Variants in NTRK2 observed in about 807,000 individuals in gnomAD.
NTRK2 encodes the protein BDNF/NT-3 growth factors receptor.
NTRK2 carries 13 observed loss-of-function variants against 94.5 expected under a neutral mutation model. The observed-to-expected ratio is 0.14, with a 90% CI of 0.09 to 0.22. NTRK2 has a LOEUF of 0.22. NTRK2 is among the 10% of genes least tolerant of loss of function. NTRK2 has a pLI of 1.00. For synonymous variants in NTRK2, 372 were observed against 407.4 expected (o/e 0.91, Z 1.05); for missense variants, 639 against 1,071.2 (o/e 0.60, Z 5.63).
intron 12 of NTRK2, among the ~76,000 whole-genome samples, chr9:84,754,888 G>A (rs1486934094): frequency 2.0e-5 from 3 of 152,112 alleles, no homozygotes; most frequent in East Asian, 3.9e-4. Context: ...GGTTTATTTC[G>A]AGTGTTGACT....
intron 12 of NTRK2, among the ~76,000 whole-genome samples, chr9:84,786,565 T>A (rs542576677): frequency 6.6e-6 from 1 of 152,348 alleles, no homozygotes; most frequent in South Asian, 2.1e-4. Context: ...TTGTTTTCTT[T>A]ATCTCAGTAG....
At chr9:84,884,201 A>C (rs2132238380) in intron 14 of NTRK2, among the ~76,000 whole-genome samples, 1 of 152,374 alleles carries the variant, frequency 6.6e-6, no homozygotes, top group East Asian at 1.9e-4. Context: ...AGAAACCAGA[A>C]GTAAATCAAA....
At chr9:84,778,990 C>T (rs887664864) in intron 12 of NTRK2, among the ~76,000 whole-genome samples, 1 of 152,182 alleles carries the variant, frequency 6.6e-6, no homozygotes, top group Non-Finnish European at 1.5e-5. Context: ...TTTCTTCTCC[C>T]AGCATTTAAC....
chr9:84,842,271 C>T (rs1033110522), intron 12 of NTRK2, among the ~76,000 whole-genome samples: 7 of 152,176 alleles, frequency 4.6e-5, no homozygotes, highest in African/African-American at 1.4e-4. Context: ...TTACTCTTCA[C>T]CCTCCTGATC....
At chr9:84,742,904 G>A (rs545452005) in intron 10 of NTRK2, among the ~76,000 whole-genome samples, 5 of 145,636 alleles carry the variant, frequency 3.4e-5, no homozygotes, top group African/African-American at 7.6e-5. Flanking sequence ...GAGTTCAAGC[G>A]ATTCTCCTGC....
At chr9:85,016,649 A>C (rs144383588) in intron 17 of NTRK2, among the ~76,000 whole-genome samples, 1 of 152,346 alleles carries the variant, frequency 6.6e-6, no homozygotes, top group African/African-American at 2.4e-5. Flanking sequence ...AGTAATTTGT[A>C]ACAACAGTGA....
chr9:84,673,507 A>G (rs114396128), intron 2 of NTRK2, among the ~76,000 whole-genome samples: 4,047 of 152,282 alleles, frequency 0.027, 166 homozygotes, highest in African/African-American at 0.086. Flanking sequence ...AATAGAAATA[A>G]TGTGGTGAAT....
At chr9:84,905,811 G>A (rs1425203203) in intron 14 of NTRK2, among the ~76,000 whole-genome samples, 2 of 152,184 alleles carry the variant, frequency 1.3e-5, no homozygotes, top group East Asian at 3.9e-4. Context: ...GCAGTGATTG[G>A]AATGAATGAA....
rs56142442 is a variant in NTRK2, at chr9:85,021,350, C to T, written c.2430C>T (p.Pro810=). 2,764 of 1,614,132 alleles carry T rather than the reference C, an allele frequency of 1.7e-3. 96 individuals carry two copies. The Admixed American group carries it at 0.042, about 25-fold the overall frequency. ...TGCTGGGGTGCTGGCAGCGAGAGCCCCACATGAGGAAGAACATCAAGGGCA... is the reference window on the plus strand; with the variant it reads ...TGCTGGGGTGCTGGCAGCGAGAGCCTCACATGAGGAAGAACATCAAGGGCA... ...ELMLGCWQRE[P]HMRKNIKGIH... is the part of the protein sequence containing the mutation. Residue 810 remains proline, a synonymous_variant, in exon 19 of 19, where the codon CCC becomes CCT. Coordinates refer to ENST00000277120, the MANE Select transcript of NTRK2 (RefSeq NM_006180.6).
At chr9:84,671,245 A>G (rs1237970383) in intron 2 of NTRK2, among the ~76,000 whole-genome samples, 1 of 152,174 alleles carries the variant, frequency 6.6e-6, no homozygotes, top group Non-Finnish European at 1.5e-5. Context: ...TTATATTTCA[A>G]AGCTCTGCTG....
At chr9:84,758,622 C>A (rs556449677) in intron 12 of NTRK2, among the ~76,000 whole-genome samples, 23 of 152,240 alleles carry the variant, frequency 1.5e-4, no homozygotes, top group African/African-American at 5.3e-4. Context: ...AACTCCCGAC[C>A]TCAGGTGATC....
At chr9:84,761,572 A>T (rs1256292466) in intron 12 of NTRK2, among the ~76,000 whole-genome samples, 1 of 152,164 alleles carries the variant, frequency 6.6e-6, no homozygotes, top group Non-Finnish European at 1.5e-5. Context: ...ATACAATCAC[A>T]CACTCACTAC....
At chr9:84,836,170 C>G (rs756013186) in intron 12 of NTRK2, among the ~76,000 whole-genome samples, 10 of 152,168 alleles carry the variant, frequency 6.6e-5, no homozygotes, top group African/African-American at 9.7e-5. Flanking sequence ...ATATTGTGAA[C>G]ATTTTATTAA....
At position 84,773,972 on chromosome 9, in the gene NTRK2, G is replaced by A. The variant is rs74570072; in HGVS notation, c.1396+21887G>A. 8.5e-3 allele frequency among the ~76,000 whole-genome samples: 1,288 copies of A among 152,242 alleles called. 23 individuals are homozygous for A. Among genetic ancestry groups the A allele is most frequent in the African/African-American group, 0.029 (1,209 of 41,548 alleles). Reference sequence around the variant, plus strand: ...AGGGAGATTTTGCTGATCTGCCAAGGTTTGTGGCTCCTAACGTCAAGTCTG... The same window carrying A: ...AGGGAGATTTTGCTGATCTGCCAAGATTTGTGGCTCCTAACGTCAAGTCTG... On this transcript the variant is annotated intron_variant, in intron 12 of 18. Transcript: ENST00000277120.
At chr9:84,813,743 A>G in intron 12 of NTRK2, 5 of 1,065,998 alleles carry the variant, frequency 4.7e-6, no homozygotes, top group Non-Finnish European at 5.7e-6. Flanking sequence ...TCCTCCTATT[A>G]TATCTGACAC....
intron 17 of NTRK2, among the ~76,000 whole-genome samples, chr9:84,998,602 C>A (rs1830020724): frequency 6.6e-6 from 1 of 152,164 alleles, no homozygotes; most frequent in Non-Finnish European, 1.5e-5. Context: ...TGCTTATCAC[C>A]CAGTTGAATC....
At chr9:84,735,326 C>T (rs777416532) in intron 9 of NTRK2, among the ~76,000 whole-genome samples, 4 of 152,162 alleles carry the variant, frequency 2.6e-5, no homozygotes, top group African/African-American at 9.7e-5. Flanking sequence ...CTCCTGGGGA[C>T]CCTGTTAAAA....
At chr9:85,002,175 C>T (rs1333576291) in intron 17 of NTRK2, among the ~76,000 whole-genome samples, 1 of 152,132 alleles carries the variant, frequency 6.6e-6, no homozygotes. Context: ...CACACCTTTG[C>T]CTGCTTCCCT....
At chr9:84,743,062 A>C (rs561329902) in intron 10 of NTRK2, among the ~76,000 whole-genome samples, 2 of 152,100 alleles carry the variant, frequency 1.3e-5, no homozygotes, top group South Asian at 2.1e-4. Context: ...TGGCCTCCCA[A>C]AATGCTGGGA....
Sources: allele counts gnomAD v4.1 joint callset (sites outside exome capture counted in the v4.1 genomes callset), GRCh38; gene constraint gnomAD v4.1.1; transcripts MANE v1.5; gene names NCBI Gene and HGNC (gene_info 2026-07-23, HGNC 2026-07-21).